Variants in MSRA observed in about 807,000 individuals in gnomAD.
MSRA encodes the protein methionine sulfoxide reductase A.
Under a neutral mutation model 31.3 loss-of-function variants are expected in MSRA, and 54 were observed. The observed-to-expected ratio is 1.73, with a 90% CI of 1.39 to 2.17. The LOEUF is 2.17. Among genes scored for constraint, MSRA ranks in the 30% most tolerant of loss-of-function variants. The pLI, the probability that MSRA is intolerant of heterozygous loss-of-function variation, is 0.00. For missense variants in MSRA, 507 were observed against 300.9 expected (o/e 1.69, Z -5.07); for synonymous variants, 169 against 116.5 (o/e 1.45, Z -2.90).
At chr8:10,251,845 T>C (rs1797932153) in intron 3 of MSRA, among the ~76,000 whole-genome samples, 1 of 147,270 alleles carries the variant, frequency 6.8e-6, no homozygotes, top group Non-Finnish European at 1.5e-5. Context: ...GGCACCCCTC[T>C]GAAGGGTTGA....
chr8:10,377,488 G>T (rs1805821055), intron 5 of MSRA, among the ~76,000 whole-genome samples: 2 of 152,202 alleles, frequency 1.3e-5, no homozygotes, highest in African/African-American at 4.8e-5. Flanking sequence ...CATATCCTTT[G>T]GGTGGATGGG....
chr8:10,105,136 C>A (rs1005829497), intron 1 of MSRA, among the ~76,000 whole-genome samples: 5 of 152,096 alleles, frequency 3.3e-5, no homozygotes, highest in African/African-American at 1.2e-4. Flanking sequence ...TTTATTCTTA[C>A]TAATTTGTAT....
intron 3 of MSRA, among the ~76,000 whole-genome samples, chr8:10,271,450 G>C (rs888660795): frequency 4.3e-5 from 1 of 23,066 alleles, no homozygotes; most frequent in African/African-American, 1.1e-4. Flanking sequence ...AAATTGACTA[G>C]GGGAAAAATA....
intron 4 of MSRA, among the ~76,000 whole-genome samples, chr8:10,303,972 T>G (rs4240641): frequency 0.36 from 54,406 of 152,162 alleles, 10,402 homozygotes; most frequent in East Asian, 0.66. Flanking sequence ...GTCTTAATCC[T>G]TTGCTCAAGC....
At chr8:10,381,016 G>T (rs1433070010) in intron 5 of MSRA, among the ~76,000 whole-genome samples, 1 of 151,902 alleles carries the variant, frequency 6.6e-6, no homozygotes, top group Non-Finnish European at 1.5e-5. Flanking sequence ...TGGGTTTATG[G>T]ATAGAAAATG....
intron 3 of MSRA, among the ~76,000 whole-genome samples, chr8:10,296,990 C>T (rs1035745305): frequency 2.6e-5 from 4 of 152,196 alleles, no homozygotes; most frequent in South Asian, 2.1e-4. Flanking sequence ...GTAGCAAAAT[C>T]TAATTATCCT....
chr8:10,153,393 T>C (rs34697655), intron 1 of MSRA, among the ~76,000 whole-genome samples: 29,426 of 151,942 alleles, frequency 0.19, 3,303 homozygotes, highest in East Asian at 0.51. Context: ...GTGCCTGCTG[T>C]ATACTTTCTT....
intron 1 of MSRA, among the ~76,000 whole-genome samples, chr8:10,065,654 A>T (rs1020943669): frequency 6.6e-6 from 1 of 152,172 alleles, no homozygotes; most frequent in Non-Finnish European, 1.5e-5. Flanking sequence ...TTCATTAACA[A>T]CCTGGCAGTT....
At chr8:10,393,731 A>C (rs1329644527) in intron 5 of MSRA, among the ~76,000 whole-genome samples, 3 of 152,202 alleles carry the variant, frequency 2.0e-5, no homozygotes, top group African/African-American at 4.8e-5. Context: ...TGCCCCAAGT[A>C]ATGGAGTCAG....
chr8:10,283,163 C>CTCTCTCTCTCTCTCTG (rs1335405310), intron 3 of MSRA, among the ~76,000 whole-genome samples: 4 of 151,750 alleles, frequency 2.6e-5, no homozygotes, highest in African/African-American at 9.7e-5. Context: ...CACACACACT[C>CTCTCTCTCTCTCTCTG]TCACCCTTCT....
intron 5 of MSRA, among the ~76,000 whole-genome samples, chr8:10,413,144 G>T (rs1468564209): frequency 2.0e-5 from 3 of 152,212 alleles, no homozygotes; most frequent in African/African-American, 7.2e-5. Context: ...GATCTCGCCT[G>T]TGGCTGCCAT....
intron 1 of MSRA, among the ~76,000 whole-genome samples, chr8:10,201,570 G>A (rs1808504867): frequency 6.6e-6 from 1 of 152,146 alleles, no homozygotes. Flanking sequence ...ATTGGTTTAT[G>A]CCTGATTTTG....
intron 1 of MSRA, among the ~76,000 whole-genome samples, chr8:10,141,312 G>A (rs1329352054): frequency 1.3e-5 from 2 of 152,198 alleles, no homozygotes; most frequent in African/African-American, 4.8e-5. Context: ...CACTTCAGAG[G>A]TGAGGAAGCA....
chr8:10,121,451 A>G (rs1222932216), intron 1 of MSRA, among the ~76,000 whole-genome samples: 2 of 152,222 alleles, frequency 1.3e-5, no homozygotes, highest in African/African-American at 4.8e-5. Flanking sequence ...TAGAAGTGCA[A>G]AAATAGTTGC....
chr8:10,086,952 G>C (rs911908664), intron 1 of MSRA, among the ~76,000 whole-genome samples: 2 of 151,904 alleles, frequency 1.3e-5, no homozygotes, highest in African/African-American at 4.8e-5. Context: ...GATATAATTT[G>C]GGTTGGCCTT....
chr8:10,103,676 G>C (rs568891746), intron 1 of MSRA, among the ~76,000 whole-genome samples: 10 of 152,114 alleles, frequency 6.6e-5, no homozygotes, highest in African/African-American at 1.9e-4. Flanking sequence ...ATGCTTTTCA[G>C]CTGTTTATTC....
chr8:10,375,316 T>C (rs1429736713), intron 5 of MSRA, among the ~76,000 whole-genome samples: 2 of 152,240 alleles, frequency 1.3e-5, no homozygotes, highest in East Asian at 3.9e-4. Context: ...TCAGGAGCTG[T>C]TGGCATTACA....
rs527741215 is a variant in MSRA, at chr8:10,361,614, T to C, written c.543+41625T>C. Among the ~76,000 whole-genome samples, 119 of 152,316 alleles carry C rather than the reference T, an allele frequency of 7.8e-4. 1 individual carries two copies. The highest frequency in any genetic ancestry group is 3.4e-3 in the Admixed American group (52 of 15,300). ...ACAAGCCATTACTGGGAGAGCATAC[T>C]TGAGACATTGGAGGCCTCTTAAGAT... On this transcript the variant is annotated intron_variant, in intron 5 of 5. Transcript: ENST00000317173.
chr8:10,213,432 CTTT>C (rs1198665886), intron 2 of MSRA, among the ~76,000 whole-genome samples: 2 of 76,750 alleles, frequency 2.6e-5, no homozygotes, highest in Non-Finnish European at 2.3e-5. Flanking sequence ...ACCACACTTT[CTTT>C]TTTTTTTTTT....
Sources: gnomAD v4.1 joint callset for allele counts (sites outside exome capture counted in the v4.1 genomes callset) on GRCh38, gnomAD v4.1.1 for gene constraint, MANE v1.5 for transcripts, NCBI Gene and HGNC (gene_info 2026-07-23, HGNC 2026-07-21) for gene names.